ATAD2: variants seen among roughly 807,000 people sequenced by gnomAD.
ATAD2 encodes ATPase family AAA domain containing 2, also known as ATPase family AAA domain-containing protein 2.
A neutral mutation model predicts 168.9 loss-of-function variants in ATAD2; 62 were observed. That is an observed-to-expected ratio of 0.37 (90% CI 0.30 to 0.45). ATAD2 has a LOEUF of 0.45. ATAD2 is among the 20% of genes least tolerant of loss of function. The pLI is 1.00. For missense variants in ATAD2, 1,419 were observed against 1,667.8 expected (o/e 0.85, Z 2.60); for synonymous variants, 613 against 571.6 (o/e 1.07, Z -1.03).
intron 24 of ATAD2, among the ~76,000 whole-genome samples, chr8:123,331,869 C>T (rs1467206217): frequency 6.6e-6 from 1 of 152,192 alleles, no homozygotes; most frequent in African/African-American, 2.4e-5. Flanking sequence ...AGCAGATACT[C>T]ATGAAACTTG....
At chr8:123,396,719 C>T (rs781537636), upstream of ATAD2, among the ~76,000 whole-genome samples, 3 of 152,082 alleles carry the variant, frequency 2.0e-5, no homozygotes, top group Non-Finnish European at 4.4e-5. Flanking sequence ...CGGTGCGTAG[C>T]CCGTTTGGAA....
intron 24 of ATAD2, among the ~76,000 whole-genome samples, chr8:123,329,238 A>G (rs886764420): frequency 1.4e-4 from 22 of 152,130 alleles, no homozygotes; most frequent in African/African-American, 4.8e-4. Flanking sequence ...AATAGGCTAC[A>G]CTTATTGAGC....
At chr8:123,397,240 CAAAAAAA>C (rs71310670), upstream of ATAD2, among the ~76,000 whole-genome samples, 129 of 40,038 alleles carry the variant, frequency 3.2e-3, no homozygotes, top group African/African-American at 8.0e-3. Context: ...GACTCTGTCT[CAAAAAAA>C]AAAAAAAAAA....
At chr8:123,333,631 A>ATT (rs961886133) in intron 24 of ATAD2, among the ~76,000 whole-genome samples, 1 of 152,222 alleles carries the variant, frequency 6.6e-6, no homozygotes, top group African/African-American at 2.4e-5. Context: ...GGGAGTAAGA[A>ATT]ATAGACCAGA....
chr8:123,368,267 A>C (rs548232786), intron 8 of ATAD2, among the ~76,000 whole-genome samples: 171 of 152,216 alleles, frequency 1.1e-3, no homozygotes, highest in African/African-American at 4.0e-3. Context: ...AAAATACAAA[A>C]ATCAGCTGGG....
intron 19 of ATAD2, among the ~76,000 whole-genome samples, chr8:123,341,164 T>A (rs966725803): frequency 6.6e-6 from 1 of 152,126 alleles, no homozygotes; most frequent in Non-Finnish European, 1.5e-5. Flanking sequence ...CCCCTACTTA[T>A]AGAATGTGGT....
chr8:123,354,000 G>A (rs182014687), intron 13 of ATAD2, among the ~76,000 whole-genome samples: 24 of 152,244 alleles, frequency 1.6e-4, no homozygotes, highest in Non-Finnish European at 2.9e-4. Context: ...TAAGTGTGCT[G>A]GTACATGCCT....
At chr8:123,346,311 A>C (rs1393630510) in intron 17 of ATAD2, 39 bp from the exon 18 acceptor site, 1 of 1,499,780 alleles carries the variant, frequency 6.7e-7, no homozygotes, top group Admixed American at 2.4e-5. Flanking sequence ...TTTTAGAAAA[A>C]ACAGTTTAAA....
At chr8:123,401,730 C>T (rs890791562) in intron 1 of ATAD2, 2 of 747,716 alleles carry the variant, frequency 2.7e-6, no homozygotes, top group Non-Finnish European at 4.9e-6. Context: ...ATGATGGGCT[C>T]CCTGCTGGCT....
At chr8:123,405,182 CACTT>C (rs1813053039) in intron 1 of ATAD2, among the ~76,000 whole-genome samples, 1 of 152,028 alleles carries the variant, frequency 6.6e-6, no homozygotes, top group South Asian at 2.1e-4. Flanking sequence ...GTTTCAATAA[CACTT>C]TATTTACAAA....
intron 2 of ATAD2, among the ~76,000 whole-genome samples, chr8:123,378,764 T>C (rs1189487874): frequency 2.0e-5 from 3 of 149,294 alleles, no homozygotes; most frequent in East Asian, 1.9e-4. Context: ...TTCAGTCTTC[T>C]AAGTCATTAC....
intron 7 of ATAD2, 76 bp downstream of exon 7, chr8:123,369,745 A>T: frequency 7.9e-7 from 1 of 1,259,282 alleles, no homozygotes; most frequent in South Asian, 1.4e-5. Flanking sequence ...CAAAAAGACA[A>T]GAATAACAGA....
chr8:123,398,112 G>A (rs895018566), upstream of ATAD2, among the ~76,000 whole-genome samples: 27 of 151,956 alleles, frequency 1.8e-4, no homozygotes, highest in African/African-American at 5.1e-4. Context: ...AATAATCTGC[G>A]TGGCTGCTGA....
intron 1 of ATAD2, among the ~76,000 whole-genome samples, chr8:123,409,108 G>A (rs1361681217): frequency 1.3e-5 from 2 of 152,172 alleles, no homozygotes; most frequent in East Asian, 3.9e-4. Context: ...TTACAGGTAT[G>A]AGCCACGGCC....
At chr8:123,391,888 T>C (rs1829835333) in intron 1 of ATAD2, among the ~76,000 whole-genome samples, 1 of 152,194 alleles carries the variant, frequency 6.6e-6, no homozygotes, top group African/African-American at 2.4e-5. Context: ...TGATTATAAT[T>C]TGGTCTACAC....
intron 1 of ATAD2, among the ~76,000 whole-genome samples, chr8:123,413,519 C>G (rs571593538): frequency 6.6e-6 from 1 of 152,154 alleles, no homozygotes; most frequent in Non-Finnish European, 1.5e-5. Context: ...AAGAAACTGA[C>G]GCTCAGAAAT....
In ATAD2 at chr8:123,322,994, T is replaced by C. The variant is rs1188042998; in HGVS notation, c.4075A>G (p.Ile1359Val). 3 of 1,613,640 alleles carry C rather than the reference T, an allele frequency of 1.9e-6. No homozygotes were observed. The highest frequency in any genetic ancestry group is 2.5e-6 in the Non-Finnish European group (3 of 1,179,590). The change falls in exon 27 of 28, where the codon ATC becomes GTC. Residue 1359 changes from isoleucine (I) to valine (V), a missense_variant. By Grantham distance (29) the Ile-to-Val change is conservative. This residue lies in a region of ATAD2 where 303 missense variants were observed against 304.3 expected (regional missense o/e 1.00). Transcript: ENST00000287394. The stretch of plus-strand genomic sequence containing the variant: ...CGATGCCGATAAATACATTGGCTGA[T>C]TACTGCATACAAATTTTCCAACTGA... Reference protein sequence around the residue: ...IFQLENLYAVISQCIYRHRKD... With the variant: ...IFQLENLYAVVSQCIYRHRKD...
At chr8:123,360,642 C>T (rs897798905) in intron 9 of ATAD2, among the ~76,000 whole-genome samples, 3 of 151,828 alleles carry the variant, frequency 2.0e-5, no homozygotes, top group Non-Finnish European at 4.4e-5. Context: ...AGCTGAGTCA[C>T]TTGAGGTCAG....
intron 17 of ATAD2, 46 bp from the exon 18 acceptor site, chr8:123,346,318 T>C (rs1462043302): frequency 6.8e-7 from 1 of 1,476,158 alleles, no homozygotes; most frequent in East Asian, 2.4e-5. Flanking sequence ...AAAAACAGTT[T>C]AAATTTTCCC....
Sources: allele counts gnomAD v4.1 joint callset (sites outside exome capture counted in the v4.1 genomes callset), GRCh38; gene constraint gnomAD v4.1.1; regional missense constraint gnomAD v4.1.1; transcripts MANE v1.5; gene names NCBI Gene and HGNC (gene_info 2026-07-23, HGNC 2026-07-21).